The following LRMDA variants were observed in gnomAD, a reference collection of about 807,000 sequenced individuals.
LRMDA encodes leucine-rich melanocyte differentiation-associated protein.
In LRMDA, 18 loss-of-function variants were observed where a neutral mutation model predicts 29.8. The observed-to-expected ratio is 0.60, with a 90% CI of 0.42 to 0.90. The LOEUF (loss-of-function observed/expected upper bound fraction) is 0.90, where lower values mean the gene tolerates loss of function less well. Among genes scored for constraint, LRMDA ranks in the 40% least tolerant of loss-of-function variants. LRMDA has a pLI of 0.00. For synonymous variants in LRMDA, 125 were observed against 109.4 expected (o/e 1.14, Z -0.89); for missense variants, 273 against 273.9 (o/e 1.00, Z 0.02).
intron 6 of LRMDA, among the ~76,000 whole-genome samples, chr10:76,545,298 C>G (rs2132389267): frequency 6.6e-6 from 1 of 151,728 alleles, no homozygotes; most frequent in East Asian, 1.9e-4. Context: ...GTGGATGTTC[C>G]CTGCTTTTGA....
At chr10:76,549,620 C>T (rs538906917) in intron 6 of LRMDA, among the ~76,000 whole-genome samples, 1 of 152,276 alleles carries the variant, frequency 6.6e-6, no homozygotes, top group Non-Finnish European at 1.5e-5. Flanking sequence ...CTATCATGCA[C>T]TTGGTATTCA....
chr10:76,225,789 C>T (rs1851945247), intron 5 of LRMDA, among the ~76,000 whole-genome samples: 2 of 150,982 alleles, frequency 1.3e-5, no homozygotes, highest in East Asian at 1.9e-4. Flanking sequence ...AGGTTTGCTA[C>T]ATATGTATAC....
At chr10:75,998,299 C>T (rs1847506707) in intron 2 of LRMDA, among the ~76,000 whole-genome samples, 1 of 152,118 alleles carries the variant, frequency 6.6e-6, no homozygotes, top group African/African-American at 2.4e-5. Flanking sequence ...CTCCTTTTTG[C>T]TCCTTGTCTG....
intron 5 of LRMDA, among the ~76,000 whole-genome samples, chr10:76,224,590 G>T (rs1381168374): frequency 6.7e-6 from 1 of 148,866 alleles, no homozygotes; most frequent in East Asian, 2.0e-4. Context: ...AAAAAAAAAT[G>T]TTAGGCAAGG....
At chr10:76,323,436 A>C (rs1296310206) in intron 5 of LRMDA, among the ~76,000 whole-genome samples, 3 of 152,156 alleles carry the variant, frequency 2.0e-5, no homozygotes, top group Non-Finnish European at 4.4e-5. Flanking sequence ...TTACTTTTTC[A>C]TGAAGCTTGG....
rs558765516 is a variant in LRMDA, at chr10:76,509,151, G to A, written c.602-48058G>A. On this transcript the variant is annotated intron_variant, in intron 6 of 6. Coordinates refer to ENST00000611255, the MANE Select transcript of LRMDA (RefSeq NM_001305581.2). ...GTATTCATAAACACCCACTTTGTTC[G>A]CAGCACTGAGGTAGAAAATATGCAG... 7.2e-5 allele frequency among the ~76,000 whole-genome samples: 11 copies of A among 152,154 alleles called. No homozygotes were observed. In the South Asian group the frequency reaches 1.2e-3, roughly 17 times the overall value.
chr10:75,810,249 A>C (rs184275159), intron 2 of LRMDA, among the ~76,000 whole-genome samples: 1 of 152,326 alleles, frequency 6.6e-6, no homozygotes, highest in Admixed American at 6.5e-5. Context: ...ACAGCTACTT[A>C]AGTGTCCTGA....
chr10:76,387,536 G>A (rs1841673350), intron 6 of LRMDA, among the ~76,000 whole-genome samples: 1 of 151,844 alleles, frequency 6.6e-6, no homozygotes, highest in African/African-American at 2.4e-5. Flanking sequence ...CCAGGAGGTA[G>A]AAGCTGCAGC....
chr10:75,931,350 A>G (rs536030401), intron 2 of LRMDA, among the ~76,000 whole-genome samples: 1 of 152,122 alleles, frequency 6.6e-6, no homozygotes, highest in South Asian at 2.1e-4. Context: ...CATATAAATA[A>G]CTGTTCATGT....
chr10:75,977,682 C>T (rs776362012), intron 2 of LRMDA, among the ~76,000 whole-genome samples: 4 of 152,132 alleles, frequency 2.6e-5, no homozygotes, highest in Non-Finnish European at 5.9e-5. Context: ...TCACTTTAGC[C>T]TTTGGGGAGC....
intron 4 of LRMDA, among the ~76,000 whole-genome samples, chr10:76,052,428 T>G (rs894907992): frequency 1.1e-4 from 16 of 151,806 alleles, no homozygotes; most frequent in African/African-American, 3.9e-4. Context: ...GGAGCAGCCA[T>G]TGCCCTGGGG....
chr10:76,071,023 A>G (rs1390300969), intron 5 of LRMDA, among the ~76,000 whole-genome samples: 1 of 152,166 alleles, frequency 6.6e-6, no homozygotes, highest in Admixed American at 6.5e-5. Context: ...ATACAGGACC[A>G]ATGCGGGAAA....
intron 5 of LRMDA, among the ~76,000 whole-genome samples, chr10:76,160,625 T>TA (rs1453217062): frequency 1.3e-5 from 2 of 152,142 alleles, no homozygotes; most frequent in African/African-American, 4.8e-5. Flanking sequence ...TCTCTATACT[T>TA]ACAATTTTTT....
At chr10:76,231,525 G>A (rs1287293793) in intron 5 of LRMDA, among the ~76,000 whole-genome samples, 1 of 152,150 alleles carries the variant, frequency 6.6e-6, no homozygotes, top group Admixed American at 6.5e-5. Context: ...TATGAAAAAG[G>A]CAAGGATCTT....
chr10:76,324,445 G>A lies in LRMDA; in HGVS notation c.561G>A (p.Thr187=), dbSNP rs1231102270. 3.7e-6 allele frequency: 6 copies of A among 1,614,056 alleles called. No individual in the cohort carries two copies. Among genetic ancestry groups the A allele is most frequent in the South Asian group, 1.1e-5 (1 of 91,060 alleles). ...CCAGCTCCCCGGAGCGCCACTACAC[G>A]CCCTTGCCTTCTGCTTCCAGGGAAC... ...DVASSPERHY[T]PLPSASRELT... The change falls in exon 6 of 7, where the codon ACG becomes ACA. Residue 187 remains threonine, a synonymous_variant. Coordinates refer to ENST00000611255, the MANE Select transcript of LRMDA (RefSeq NM_001305581.2).
chr10:75,875,879 G>T (rs1398679633), intron 2 of LRMDA, among the ~76,000 whole-genome samples: 8 of 152,212 alleles, frequency 5.3e-5, no homozygotes, highest in Non-Finnish European at 1.2e-4. Context: ...ATTGGACCCT[G>T]GTGGTAAAAC....
intron 2 of LRMDA, among the ~76,000 whole-genome samples, chr10:75,473,279 G>A (rs1844747180): frequency 6.6e-6 from 1 of 152,242 alleles, no homozygotes; most frequent in African/African-American, 2.4e-5. Context: ...AGCATAACAT[G>A]TCATAACAGA....
chr10:75,985,288 G>A (rs145501855), intron 2 of LRMDA, among the ~76,000 whole-genome samples: 2,132 of 152,290 alleles, frequency 0.014, 27 homozygotes, highest in Non-Finnish European at 0.017. Context: ...TCCATGTTCT[G>A]TTAATCAGAA....
rs570797716 is a variant in LRMDA, at chr10:76,374,886, A to T, written c.601+50401A>T. On this transcript the variant is annotated intron_variant, in intron 6 of 6. Transcript: ENST00000611255. ...TTTAGTACTTGAACTTGATAAATGG[A>T]GATTCAGAATGTCTTTTGGATTTTT... Among the ~76,000 whole-genome samples the T allele has an allele frequency of 1.1e-3, 160 of 152,310 alleles. No homozygotes were observed. The Middle Eastern group carries it at 0.02, about 19-fold the overall frequency.
Sources: allele counts gnomAD v4.1 joint callset (sites outside exome capture counted in the v4.1 genomes callset), GRCh38; gene constraint gnomAD v4.1.1; transcripts MANE v1.5; gene names NCBI Gene and HGNC (gene_info 2026-07-23, HGNC 2026-07-21).